Variants in ARID5B observed in about 807,000 individuals in gnomAD.
ARID5B encodes AT-rich interaction domain 5B.
Under a neutral mutation model 97.2 loss-of-function variants are expected in ARID5B, and 13 were observed. The observed-to-expected ratio is 0.13, with a 90% CI of 0.09 to 0.21. The LOEUF (loss-of-function observed/expected upper bound fraction) is 0.21. Among genes scored for constraint, ARID5B ranks in the 10% least tolerant of loss-of-function variants. ARID5B has a pLI of 1.00. For synonymous variants in ARID5B, 556 were observed against 570.3 expected (o/e 0.97, Z 0.36); for missense variants, 1,210 against 1,465.3 (o/e 0.83, Z 2.84).
chr10:61,913,792 C>A (rs1171017347), intron 2 of ARID5B, among the ~76,000 whole-genome samples: 1 of 152,146 alleles, frequency 6.6e-6, no homozygotes, highest in East Asian at 1.9e-4. Context: ...GCTCTTTTTG[C>A]CCAGGCTGGA....
At chr10:62,037,047 T>C (rs748694092) in intron 4 of ARID5B, among the ~76,000 whole-genome samples, 1 of 152,220 alleles carries the variant, frequency 6.6e-6, no homozygotes, top group Non-Finnish European at 1.5e-5. Flanking sequence ...TTGTCATGAC[T>C]CTCCGGCTCC....
intron 4 of ARID5B, among the ~76,000 whole-genome samples, chr10:62,040,619 C>T (rs567478663): frequency 6.6e-6 from 1 of 152,050 alleles, no homozygotes; most frequent in East Asian, 1.9e-4. Context: ...ATTCTAGTAA[C>T]CACATTTTAA....
At chr10:62,002,625 C>G (rs531286491) in intron 4 of ARID5B, among the ~76,000 whole-genome samples, 1 of 152,288 alleles carries the variant, frequency 6.6e-6, no homozygotes, top group East Asian at 1.9e-4. Context: ...TTTTAAATCT[C>G]CAACTGGTTG....
intron 3 of ARID5B, among the ~76,000 whole-genome samples, chr10:61,997,889 C>T (rs1023555152): frequency 1.3e-5 from 2 of 152,178 alleles, no homozygotes; most frequent in African/African-American, 4.8e-5. Flanking sequence ...CGGTTTTGAA[C>T]CCAAAGTTTG....
In ARID5B at chr10:62,094,954, C is replaced by T. The variant is rs1171154451; in HGVS notation, c.*1924C>T. The stretch of plus-strand genomic sequence containing the variant: ...GGCTCTTAAACAAAGCCATGCATGC[C>T]GTGCATTTGTATTGAAATGTCTCCA... On this transcript the variant is annotated 3_prime_UTR_variant, in exon 10 of 10. Transcript: ENST00000279873. 1 of 231,050 alleles carries T rather than the reference C, an allele frequency of 4.3e-6. No homozygotes were observed. Among genetic ancestry groups the T allele is most frequent in the Non-Finnish European group, 8.6e-6 (1 of 116,448 alleles). The allele number at this position is 231,050 out of a possible 1,614,324, so 14.3% of individuals were successfully genotyped here.
chr10:62,020,221 C>T (rs1839338072), intron 4 of ARID5B, among the ~76,000 whole-genome samples: 1 of 152,058 alleles, frequency 6.6e-6, no homozygotes, highest in African/African-American at 2.4e-5. Context: ...TTATTTAAAG[C>T]AAGAAAGGAA....
chr10:62,094,823 C>A lies in ARID5B; in HGVS notation c.*1793C>A, dbSNP rs1181659082. On this transcript the variant is annotated 3_prime_UTR_variant, in exon 10 of 10. Coordinates refer to ENST00000279873, the MANE Select transcript of ARID5B (RefSeq NM_032199.3). ...ACTTTAGAACCATAGTTAACTAAGT[C>A]TTTTACCTCTGAGATACTTAATTCT... The A allele has an allele frequency of 4.3e-6, 1 of 231,310 alleles. No individual in the cohort carries two copies. Among genetic ancestry groups the A allele is most frequent in the Non-Finnish European group, 8.6e-6 (1 of 116,804 alleles). The allele number at this position is 231,310 out of a possible 1,614,324, so 14.3% of individuals were successfully genotyped here.
At chr10:61,901,942 G>A (rs1416060423) in intron 1 of ARID5B, among the ~76,000 whole-genome samples, 1 of 151,504 alleles carries the variant, frequency 6.6e-6, no homozygotes, top group African/African-American at 2.4e-5. Flanking sequence ...CAAATGGGGA[G>A]GTGGGTAGAA....
intron 8 of ARID5B, among the ~76,000 whole-genome samples, chr10:62,072,987 C>T (rs565670250): frequency 3.3e-5 from 5 of 152,144 alleles, no homozygotes; most frequent in Non-Finnish European, 5.9e-5. Context: ...GTTGCATGAA[C>T]AGATAAAACA....
intron 1 of ARID5B, 46 bp downstream of exon 1, chr10:61,901,776 C>G: frequency 6.4e-7 from 1 of 1,561,518 alleles, no homozygotes; most frequent in Non-Finnish European, 8.8e-7. Flanking sequence ...CCCCCCGGCA[C>G]CCCCCAACCC....
At chr10:62,065,940 A>G (rs1376891449) in intron 7 of ARID5B, among the ~76,000 whole-genome samples, 1 of 151,936 alleles carries the variant, frequency 6.6e-6, no homozygotes, top group Non-Finnish European at 1.5e-5. Context: ...AACACAAATT[A>G]TAACCAGGAG....
intron 3 of ARID5B, among the ~76,000 whole-genome samples, chr10:61,970,103 A>G (rs1014757439): frequency 2.2e-4 from 34 of 152,230 alleles, no homozygotes; most frequent in African/African-American, 5.8e-4. Flanking sequence ...GATTAGCCAT[A>G]TTGAAATACT....
At chr10:61,909,555 G>A (rs1165955007) in intron 2 of ARID5B, among the ~76,000 whole-genome samples, 21 of 152,112 alleles carry the variant, frequency 1.4e-4, no homozygotes, top group Non-Finnish European at 3.1e-4. Flanking sequence ...CCGATCTCCT[G>A]ACCTCGTGAT....
At chr10:62,045,445 G>A (rs1030849983) in intron 4 of ARID5B, among the ~76,000 whole-genome samples, 1 of 91,778 alleles carries the variant, frequency 1.1e-5, no homozygotes, top group Admixed American at 1.3e-4. Flanking sequence ...ACTTGCCAGG[G>A]TATTTTTTTT....
intron 3 of ARID5B, among the ~76,000 whole-genome samples, chr10:61,952,657 C>G (rs1298009735): frequency 6.6e-6 from 1 of 152,190 alleles, no homozygotes; most frequent in South Asian, 2.1e-4. Context: ...AAGACACTCT[C>G]TAGTGGAGAG....
chr10:61,902,495 A>C, intron 2 of ARID5B, 82 bp downstream of exon 2: 1 of 1,535,252 alleles, frequency 6.5e-7, no homozygotes. Flanking sequence ...GCTTGAAAAT[A>C]CTGTATTCAC....
At chr10:62,012,861 G>A (rs1378146919) in intron 4 of ARID5B, among the ~76,000 whole-genome samples, 1 of 152,010 alleles carries the variant, frequency 6.6e-6, no homozygotes, top group Non-Finnish European at 1.5e-5. Flanking sequence ...AAAATGAATT[G>A]ATCACAGTTT....
At chr10:62,056,318 C>T (rs10995020) in intron 5 of ARID5B, among the ~76,000 whole-genome samples, 1 of 151,990 alleles carries the variant, frequency 6.6e-6, no homozygotes, top group East Asian at 1.9e-4. Context: ...TCTTTTGTGG[C>T]AAGTTAACAT....
intron 3 of ARID5B, among the ~76,000 whole-genome samples, chr10:61,993,602 T>C (rs1352956488): frequency 6.6e-6 from 1 of 152,192 alleles, no homozygotes; most frequent in East Asian, 1.9e-4. Context: ...ATTTTCATGC[T>C]TAGGTTTTCT....
Sources: allele counts gnomAD v4.1 joint callset (sites outside exome capture counted in the v4.1 genomes callset), GRCh38; gene constraint gnomAD v4.1.1; transcripts MANE v1.5; gene names NCBI Gene and HGNC (gene_info 2026-07-23, HGNC 2026-07-21).